Variants in FIGNL2 observed in about 807,000 individuals in gnomAD.
FIGNL2 encodes fidgetin like 2.
For missense variants in FIGNL2, 1,060 were observed against 950.2 expected (o/e 1.12, Z -1.52); for synonymous variants, 565 against 484.0 (o/e 1.17, Z -2.20).
intron 1 of FIGNL2, among the ~76,000 whole-genome samples, chr12:51,829,843 A>G (rs1939418843): frequency 6.6e-6 from 1 of 151,762 alleles, no homozygotes; most frequent in Non-Finnish European, 1.5e-5. Flanking sequence ...GAGAGGGAGG[A>G]GAAGAAAGGA....
intron 1 of FIGNL2, chr12:51,847,301 G>T (rs957735343): frequency 1.0e-6 from 1 of 985,302 alleles, no homozygotes; most frequent in African/African-American, 1.7e-5. Flanking sequence ...GAGACTGGGC[G>T]GCTCCACAGG....
At chr12:51,842,421 A>G (rs1592195929) in intron 1 of FIGNL2, among the ~76,000 whole-genome samples, 1 of 152,166 alleles carries the variant, frequency 6.6e-6, no homozygotes, top group Non-Finnish European at 1.5e-5. Context: ...CTCCAGCAGA[A>G]GGCAACAGAC....
chr12:51,821,458 T>C lies in FIGNL2; in HGVS notation c.956A>G (p.Glu319Gly). Residue 319 changes from glutamate to glycine, a missense_variant, in exon 2 of 2, where the codon GAG becomes GGG. Glu to Gly is a moderately conservative substitution (Grantham distance 98). Transcript: ENST00000618634. ...GCCGCCACCGTACTTGCCCGACGCCTCCTCCGCGGCTCCTGGCGGCTTGGC... is the reference window on the plus strand; with the variant it reads ...GCCGCCACCGTACTTGCCCGACGCCCCCTCCGCGGCTCCTGGCGGCTTGGC... ...FRAKPPGAAE[E>G]ASGKYGGGVP... The C allele has an allele frequency of 6.5e-7, 1 of 1,539,466 alleles. No individual in the cohort carries two copies.
intron 1 of FIGNL2, among the ~76,000 whole-genome samples, chr12:51,831,342 G>C (rs1218828764): frequency 6.6e-6 from 1 of 152,168 alleles, no homozygotes; most frequent in African/African-American, 2.4e-5. Context: ...GTCCCAGCTC[G>C]GAGGCTCCAG....
chr12:51,826,855 C>T (rs984887305), intron 1 of FIGNL2, among the ~76,000 whole-genome samples: 2 of 152,160 alleles, frequency 1.3e-5, no homozygotes, highest in African/African-American at 2.4e-5. Flanking sequence ...AGGCCCAGAA[C>T]GATGTCTCAC....
intron 1 of FIGNL2, 156 bp downstream of exon 1, chr12:51,848,384 G>T (rs1193142320): frequency 1.0e-4 from 98 of 983,334 alleles, no homozygotes; most frequent in Non-Finnish European, 1.1e-4. Context: ...TCTCTCGCCG[G>T]CCCTGCCCTC....
At chr12:51,843,939 C>T (rs1939704011) in intron 1 of FIGNL2, among the ~76,000 whole-genome samples, 1 of 151,826 alleles carries the variant, frequency 6.6e-6, no homozygotes, top group Non-Finnish European at 1.5e-5. Context: ...ATGACTTGGG[C>T]AAGCACTGCT....
At chr12:51,842,177 C>T (rs957530848) in intron 1 of FIGNL2, 2 of 152,330 alleles carry the variant, frequency 1.3e-5, no homozygotes, top group African/African-American at 4.8e-5. Flanking sequence ...TTACGCAGCT[C>T]CTTTTTTCTC....
At chr12:51,842,178 CT>C in intron 1 of FIGNL2, 1 of 152,426 alleles carries the variant, frequency 6.6e-6, no homozygotes, top group Non-Finnish European at 1.5e-5. Flanking sequence ...TACGCAGCTC[CT>C]TTTTTCTCAA....
intron 1 of FIGNL2, among the ~76,000 whole-genome samples, chr12:51,822,885 A>G (rs1003070625): frequency 1.3e-5 from 2 of 152,202 alleles, no homozygotes; most frequent in African/African-American, 4.8e-5. Context: ...CACCAGGGTT[A>G]TGTAAAGAGT....
intron 1 of FIGNL2, among the ~76,000 whole-genome samples, chr12:51,830,893 C>G (rs188130410): frequency 3.0e-4 from 46 of 152,252 alleles, no homozygotes; most frequent in African/African-American, 9.9e-4. Flanking sequence ...GCGATCCCCC[C>G]ACCTCAGCCT....
Position 51,821,779 on chromosome 12 carries a change from G to A in FIGNL2, c.635C>T (p.Ala212Val), listed in dbSNP as rs1209683015. Residue 212 changes from alanine (A) to valine (V), a missense_variant, in exon 2 of 2, where the codon GCG becomes GTG. Transcript: ENST00000618634. ...CGGGAGCGCGCCATAGCCGGGCTGC[G>A]CTGCGTAGCCCCCTGCGGGATAGTT... ...LYNYPAGGYA[A>V]QPGYGALPPP... 2 of 1,279,130 alleles carry A rather than the reference G, an allele frequency of 1.6e-6. No individual in the cohort carries two copies. Among genetic ancestry groups the A allele is most frequent in the Middle Eastern group, 3.0e-4 (1 of 3,334 alleles). 79.2% of individuals were successfully genotyped at this position (1,279,130 alleles called of 1,614,324 possible).
At chr12:51,834,703 C>T (rs1333924349) in intron 1 of FIGNL2, among the ~76,000 whole-genome samples, 1 of 152,234 alleles carries the variant, frequency 6.6e-6, no homozygotes, top group Non-Finnish European at 1.5e-5. Context: ...CGGGAGGGGA[C>T]AGCACAGATA....
At chr12:51,848,486 T>G (rs1939799688) in intron 1 of FIGNL2, 54 bp downstream of exon 1, 2 of 982,386 alleles carry the variant, frequency 2.0e-6, no homozygotes, top group Non-Finnish European at 2.4e-6. Context: ...CCGGACACCC[T>G]GACCGAACGG....
chr12:51,821,671 G>C lies in FIGNL2; in HGVS notation c.743C>G (p.Thr248Ser). ...PTPLPAPAPPTAYGFPTAAPG... is the reference protein window; with the variant it reads ...PTPLPAPAPPSAYGFPTAAPG... Reference sequence around the variant, plus strand: ...CGCGGCCGTGGGGAAGCCATAGGCGGTGGGCGGTGCCGGCGCGGGCAGGGG... The same window carrying C: ...CGCGGCCGTGGGGAAGCCATAGGCGCTGGGCGGTGCCGGCGCGGGCAGGGG... Residue 248 changes from threonine to serine, a missense_variant, in exon 2 of 2, where the codon ACC (threonine) becomes AGC (serine). Thr to Ser is a moderately conservative substitution (Grantham distance 58). Transcript: ENST00000618634. 3.5e-6 allele frequency: 5 copies of C among 1,409,058 alleles called. No homozygotes were observed. The South Asian group carries it at 7.6e-5, about 21-fold the overall frequency. 87.3% of individuals were successfully genotyped at this position (1,409,058 alleles called of 1,614,324 possible).
chr12:51,820,923 G>A lies in FIGNL2; in HGVS notation c.1491C>T (p.Leu497=), dbSNP rs762234233. 9.8e-6 allele frequency: 13 copies of A among 1,322,974 alleles called. No homozygotes were observed. The South Asian group carries it at 1.3e-4, about 13-fold the overall frequency. 82.0% of individuals were successfully genotyped at this position (1,322,974 alleles called of 1,614,324 possible). A position where few individuals can be genotyped will look rare whatever the true frequency, so the allele number is the denominator to read the frequency against. The change falls in exon 2 of 2, where the codon CTC becomes CTT. Residue 497 remains leucine (L), a synonymous_variant. Coordinates refer to ENST00000618634, the MANE Select transcript of FIGNL2 (RefSeq NM_001384995.1). ...CCGCCGCGCCGTCGTCCCGGGCGGG[G>A]AGCAGCGCCTCTAGCTCGCTGATGA... The part of the protein sequence containing the change: ...VLLISELEAL[L]PARDDGAAAG...
intron 1 of FIGNL2, among the ~76,000 whole-genome samples, chr12:51,842,588 G>A (rs1337067109): frequency 6.6e-5 from 10 of 152,176 alleles, no homozygotes; most frequent in Admixed American, 5.2e-4. Flanking sequence ...TAGGGCACTC[G>A]GCTGCAGGTG....
intron 1 of FIGNL2, among the ~76,000 whole-genome samples, chr12:51,824,963 G>A (rs1166928757): frequency 1.3e-5 from 2 of 151,908 alleles, no homozygotes; most frequent in Non-Finnish European, 2.9e-5. Flanking sequence ...AGAACCACTT[G>A]AACCCGGGTG....
intron 1 of FIGNL2, among the ~76,000 whole-genome samples, chr12:51,831,400 C>T (rs1171182690): frequency 6.6e-6 from 1 of 152,124 alleles, no homozygotes; most frequent in Non-Finnish European, 1.5e-5. Context: ...CTGGCACCCA[C>T]TCCCCACAGC....
Sources: allele counts gnomAD v4.1 joint callset (sites outside exome capture counted in the v4.1 genomes callset), GRCh38; gene constraint gnomAD v4.1.1; transcripts MANE v1.5; gene names NCBI Gene and HGNC (gene_info 2026-07-23, HGNC 2026-07-21).